The following SNAP91 variants were observed in gnomAD, a reference collection of about 807,000 sequenced individuals.
The protein encoded by SNAP91 is synaptosome associated protein 91.
A neutral mutation model predicts 100.3 loss-of-function variants in SNAP91; 27 were observed. The observed-to-expected ratio is 0.27, with a 90% CI of 0.20 to 0.37. The LOEUF is 0.37. SNAP91 is among the 10% of genes least tolerant of loss of function. The probability of loss-of-function intolerance (pLI) is 1.00; values close to 1 mark genes in which losing one functional copy is unlikely to be tolerated. For synonymous variants in SNAP91, 404 were observed against 398.6 expected (o/e 1.01, Z -0.16); for missense variants, 986 against 1,123.7 (o/e 0.88, Z 1.75).
At position 83,579,280 on chromosome 6, in the gene SNAP91, G is replaced by A. The variant is rs373341676; in HGVS notation, c.2299+1170C>T. ...TGACAGCTGAGGGCTGTGTGTTGGT[G>A]GCACTCTCAGCAGCTGGAGGCATAA... On this transcript the variant is annotated intron_variant, in intron 24 of 29. Coordinates refer to ENST00000369694, the MANE Select transcript of SNAP91 (RefSeq NM_001242792.2). 2.0e-5 allele frequency among the ~76,000 whole-genome samples: 3 copies of A among 152,114 alleles called. No individual in the cohort carries two copies. The South Asian group carries it at 6.2e-4, about 32-fold the overall frequency.
intron 22 of SNAP91, among the ~76,000 whole-genome samples, chr6:83,582,834 T>C (rs1343333475): frequency 1.3e-5 from 2 of 152,196 alleles, no homozygotes; most frequent in Non-Finnish European, 2.9e-5. Context: ...CCACTGCTGT[T>C]ACCACCAGTG....
intron 20 of SNAP91, 67 bp from the exon 21 acceptor site, chr6:83,592,605 C>T: frequency 4.0e-6 from 5 of 1,264,364 alleles, no homozygotes; most frequent in East Asian, 2.5e-5. Context: ...TGAGCCTTGA[C>T]AAATGGCATC....
chr6:83,558,966 A>G (rs1271187229), intron 28 of SNAP91, among the ~76,000 whole-genome samples: 1 of 152,200 alleles, frequency 6.6e-6, no homozygotes, highest in Non-Finnish European at 1.5e-5. Flanking sequence ...AAAGTGTAAC[A>G]TATTTTGGCA....
At chr6:83,586,328 G>C (rs2092618952) in intron 22 of SNAP91, among the ~76,000 whole-genome samples, 1 of 152,174 alleles carries the variant, frequency 6.6e-6, no homozygotes, top group Non-Finnish European at 1.5e-5. Flanking sequence ...AATTAATGTG[G>C]TTAAGAGAAC....
At position 83,665,441 on chromosome 6, in the gene SNAP91, C is replaced by T; in HGVS notation, c.271G>A (p.Glu91Lys). 4 of 1,610,594 alleles carry T rather than the reference C, an allele frequency of 2.5e-6. No individual in the cohort carries two copies. Among genetic ancestry groups the T allele is most frequent in the Non-Finnish European group, 3.4e-6 (4 of 1,178,450 alleles). Residue 91 changes from glutamate (E) to lysine (K), a missense_variant and splice_region_variant, in exon 3 of 30, where the codon GAG becomes AAG. Physicochemically the swap from Glu to Lys is moderately conservative, Grantham distance 56. Around this residue, in one of 4 missense-constraint regions of SNAP91, gnomAD observed 330 missense variants for 447.5 expected, o/e 0.74. Coordinates refer to ENST00000369694, the MANE Select transcript of SNAP91 (RefSeq NM_001242792.2). ...AAAGAAAAGTTTACTTAGTTTACCT[C>T]ATTTCCATGCACCATGAGATGATGT... ...TTHHLMVHGNERFIQYLASRN... is the reference protein window; with the variant it reads ...TTHHLMVHGNKRFIQYLASRN...
At chr6:83,664,049 A>G (rs535521446) in intron 3 of SNAP91, among the ~76,000 whole-genome samples, 25 of 152,234 alleles carry the variant, frequency 1.6e-4, no homozygotes, top group African/African-American at 5.5e-4. Context: ...CACTCTGTTT[A>G]TAGTATGGTT....
intron 24 of SNAP91, among the ~76,000 whole-genome samples, chr6:83,579,093 ATG>A (rs1231932666): frequency 3.9e-5 from 6 of 152,016 alleles, no homozygotes; most frequent in Admixed American, 6.6e-5. Flanking sequence ...TTTGGTCTCT[ATG>A]TCTATCCTTA....
intron 24 of SNAP91, among the ~76,000 whole-genome samples, chr6:83,578,273 C>G (rs1358508971): frequency 4.6e-5 from 7 of 152,056 alleles, no homozygotes; most frequent in Admixed American, 4.6e-4. Flanking sequence ...CTATGTTTAA[C>G]ATTTTGAGTA....
chr6:83,590,945 T>C (rs920688899), intron 22 of SNAP91, among the ~76,000 whole-genome samples: 3 of 151,642 alleles, frequency 2.0e-5, no homozygotes, highest in Admixed American at 2.0e-4. Flanking sequence ...AATTTCAATT[T>C]TGTTTTAGAT....
chr6:83,683,317 C>T (rs559192289), intron 2 of SNAP91, among the ~76,000 whole-genome samples: 2 of 152,278 alleles, frequency 1.3e-5, no homozygotes, highest in South Asian at 4.1e-4. Context: ...CTCCAACTAT[C>T]ATGTTGAAAT....
chr6:83,618,941 G>A (rs3798869), intron 9 of SNAP91, among the ~76,000 whole-genome samples: 56,477 of 151,486 alleles, frequency 0.37, 11,205 homozygotes, highest in South Asian at 0.5. Context: ...CAACAAATAC[G>A]GGATAACCAA....
chr6:83,682,895 C>T (rs987889180), intron 2 of SNAP91, among the ~76,000 whole-genome samples: 1 of 151,916 alleles, frequency 6.6e-6, no homozygotes, highest in Non-Finnish European at 1.5e-5. Context: ...CCTAATCTCA[C>T]ACCTTCTCTT....
At chr6:83,601,468 G>A (rs559718645) in intron 15 of SNAP91, 30 bp from the exon 16 acceptor site, 42 of 1,613,106 alleles carry the variant, frequency 2.6e-5, no homozygotes, top group South Asian at 2.1e-4. Flanking sequence ...GAGAGCAAAC[G>A]GAGAGAAGAA....
At chr6:83,596,388 G>T (rs1465076895) in intron 16 of SNAP91, among the ~76,000 whole-genome samples, 1 of 152,182 alleles carries the variant, frequency 6.6e-6, no homozygotes. Flanking sequence ...GCAGAAGAAT[G>T]TAAGAGAAGT....
chr6:83,555,184 G>A (rs1220596016), intron 29 of SNAP91, among the ~76,000 whole-genome samples: 1 of 151,704 alleles, frequency 6.6e-6, no homozygotes, highest in Non-Finnish European at 1.5e-5. Flanking sequence ...TGACTGAGAT[G>A]TTAATACCTT....
At chr6:83,643,823 G>A (rs1049777237) in intron 7 of SNAP91, among the ~76,000 whole-genome samples, 1 of 152,104 alleles carries the variant, frequency 6.6e-6, no homozygotes, top group Non-Finnish European at 1.5e-5. Flanking sequence ...AAAAGATCAA[G>A]AAAACAGACA....
chr6:83,618,536 T>A (rs2096589248), intron 9 of SNAP91, among the ~76,000 whole-genome samples: 1 of 151,822 alleles, frequency 6.6e-6, no homozygotes, highest in African/African-American at 2.4e-5. Flanking sequence ...ATACAGAAAA[T>A]TTTGTTATAG....
At chr6:83,686,332 A>G (rs2099060043) in intron 2 of SNAP91, 2 of 249,890 alleles carry the variant, frequency 8.0e-6, no homozygotes, top group South Asian at 3.0e-4. Flanking sequence ...GATAATATTT[A>G]TATAACTCTC....
At chr6:83,568,147 A>G (rs1314767799) in intron 26 of SNAP91, among the ~76,000 whole-genome samples, 1 of 152,300 alleles carries the variant, frequency 6.6e-6, no homozygotes, top group East Asian at 1.9e-4. Context: ...CATATACACC[A>G]TGGACTACTA....
Sources: gnomAD v4.1 joint callset for allele counts (sites outside exome capture counted in the v4.1 genomes callset) on GRCh38, gnomAD v4.1.1 for gene constraint, gnomAD v4.1.1 regional missense constraint, MANE v1.5 for transcripts, NCBI Gene and HGNC (gene_info 2026-07-23, HGNC 2026-07-21) for gene names.